TMEM63A: variants seen among roughly 807,000 people sequenced by gnomAD.
TMEM63A encodes mechanosensitive cation channel TMEM63A.
In TMEM63A, 76 loss-of-function variants were observed where a neutral mutation model predicts 100.6. The ratio of observed to expected loss-of-function variants is 0.76; its 90% CI spans 0.63 to 0.91. TMEM63A has a LOEUF of 0.91. TMEM63A is among the 40% of genes least tolerant of loss of function. The probability of loss-of-function intolerance (pLI) is 0.00; values close to 1 mark genes in which losing one functional copy is unlikely to be tolerated. For missense variants in TMEM63A, 876 were observed against 1,008.8 expected (o/e 0.87, Z 1.78); for synonymous variants, 401 against 401.1 (o/e 1.00, Z 0.00).
At chr1:225,845,491 A>G (rs1668899622), downstream of TMEM63A, 3 of 779,630 alleles carry the variant, frequency 3.8e-6, no homozygotes, top group Non-Finnish European at 6.2e-6. Flanking sequence ...TCACCCCTCC[A>G]AGCTCACTCC....
chr1:225,848,579 GA>G (rs1559032312), intron 22 of TMEM63A, 25 bp from the exon 23 acceptor site: 1 of 1,613,212 alleles, frequency 6.2e-7, no homozygotes, highest in South Asian at 1.1e-5. Context: ...AAAAACTTGC[GA>G]TGATAAACAA....
chr1:225,847,023 C>T lies in TMEM63A; in HGVS notation c.*6+11G>A. 1 of 1,600,872 alleles carries T rather than the reference C, an allele frequency of 6.2e-7. No individual in the cohort carries two copies. The highest frequency in any genetic ancestry group is 8.5e-7 in the Non-Finnish European group (1 of 1,173,252). ...CAGGCTCCCCTGAGCCTGGCCCAGC[C>T]AGCAGCTCACCCAGCCTCAGGCCTC... On this transcript the variant is annotated intron_variant, in intron 24 of 24. Transcript: ENST00000366835.
Position 225,845,617 on chromosome 1 carries a change from T to G in TMEM63A, c.*1322A>C. ...CGCTGACCCCACATGGGGCCCCCTG[T>G]GCAAGCAGAGCTGGCCGGCCCCTCC... On this transcript the variant is annotated 3_prime_UTR_variant, in exon 25 of 25. Coordinates refer to ENST00000366835, the MANE Select transcript of TMEM63A (RefSeq NM_014698.3). 1.9e-6 allele frequency: 1 copy of G among 526,818 alleles called. No homozygotes were observed. The highest frequency in any genetic ancestry group is 3.4e-6 in the Non-Finnish European group (1 of 291,260). The allele number at this position is 526,818 out of a possible 1,614,324, so 32.6% of individuals were successfully genotyped here. A position where few individuals can be genotyped will look rare whatever the true frequency, so the allele number is the denominator to read the frequency against.
intron 21 of TMEM63A, 67 bp from the exon 22 acceptor site, chr1:225,849,079 G>A (rs1234322360): frequency 8.0e-7 from 1 of 1,250,354 alleles, no homozygotes; most frequent in Non-Finnish European, 1.1e-6. Flanking sequence ...TCACCCTGCT[G>A]AGGAAGGGGC....
At chr1:225,857,068 G>A (rs777190228) in intron 15 of TMEM63A, 51 bp from the exon 16 acceptor site, 8 of 1,449,478 alleles carry the variant, frequency 5.5e-6, no homozygotes, top group African/African-American at 1.4e-5. Context: ...TGGGCCACGC[G>A]GCTCTGAGGC....
chr1:225,874,161 T>C, intron 4 of TMEM63A, 127 bp downstream of exon 4: 1 of 921,604 alleles, frequency 1.1e-6, no homozygotes. Context: ...CCCTAGCCCA[T>C]TCCAGGGACA....
chr1:225,850,416 G>A (rs1343010519), intron 20 of TMEM63A, among the ~76,000 whole-genome samples: 1 of 152,196 alleles, frequency 6.6e-6, no homozygotes, highest in African/African-American at 2.4e-5. Flanking sequence ...GCTGAAGGCA[G>A]CTGAATTCTC....
At chr1:225,849,850 G>A in intron 21 of TMEM63A, 62 bp downstream of exon 21, 1 of 1,577,424 alleles carries the variant, frequency 6.3e-7, no homozygotes, top group Admixed American at 1.7e-5. Flanking sequence ...GGATCTGACT[G>A]GCTGGTGGGG....
At position 225,859,267 on chromosome 1, in the gene TMEM63A, G is replaced by T; in HGVS notation, c.1306C>A (p.Leu436Met). The part of the protein sequence containing the change: ...NFTLFLGLFF[L>M]TTPSIILSTM... ...GACAGGATGATGGAGGGTGTGGTCA[G>T]GAAAAATAGCCCCAGGAAGAGGGTG... Residue 436 changes from leucine to methionine, a missense_variant, in exon 15 of 25, where the codon CTG becomes ATG. Physicochemically the swap from Leu to Met is conservative, Grantham distance 15 (BLOSUM62 2). This residue lies in a region of TMEM63A where 487 missense variants were observed against 581.9 expected (regional missense o/e 0.84). Coordinates refer to ENST00000366835, the MANE Select transcript of TMEM63A (RefSeq NM_014698.3). 1 of 1,614,120 alleles carries T rather than the reference G, an allele frequency of 6.2e-7. No individual in the cohort carries two copies. The highest frequency in any genetic ancestry group is 8.5e-7 in the Non-Finnish European group (1 of 1,180,030).
At chr1:225,854,120 C>A (rs191335738) in intron 18 of TMEM63A, among the ~76,000 whole-genome samples, 3 of 139,972 alleles carry the variant, frequency 2.1e-5, no homozygotes, top group East Asian at 2.0e-4. Context: ...GTTGGAGGAG[C>A]CTTTCTAACG....
chr1:225,872,638 T>A (rs968709163), intron 4 of TMEM63A, among the ~76,000 whole-genome samples: 3 of 151,352 alleles, frequency 2.0e-5, no homozygotes, highest in Admixed American at 6.6e-5. Flanking sequence ...AAACACCCCA[T>A]GCGCTATAAA....
At chr1:225,844,734 G>C, downstream of TMEM63A, 1 of 1,521,952 alleles carries the variant, frequency 6.6e-7, no homozygotes, top group Non-Finnish European at 8.8e-7. Flanking sequence ...AGCCTTGCCT[G>C]CAGGTGCCCC....
At chr1:225,878,667 C>T (rs184134962) in intron 2 of TMEM63A, among the ~76,000 whole-genome samples, 4 of 152,188 alleles carry the variant, frequency 2.6e-5, no homozygotes, top group African/African-American at 9.7e-5. Context: ...CTGCCCAAAT[C>T]TGGTAAATCT....
At chr1:225,842,362 C>T (rs1330889670), downstream of TMEM63A, 1 of 1,606,900 alleles carries the variant, frequency 6.2e-7, no homozygotes, top group Non-Finnish European at 8.5e-7. Context: ...CCGCTCCCCG[C>T]CAGGCTCTGC....
chr1:225,860,814 A>C (rs779100980), intron 14 of TMEM63A, 46 bp downstream of exon 14: 1 of 1,551,850 alleles, frequency 6.4e-7, no homozygotes, highest in Non-Finnish European at 8.7e-7. Context: ...AGCTCCCACC[A>C]GGAACCCAGG....
At chr1:225,874,169 AC>A in intron 4 of TMEM63A, 118 bp downstream of exon 4, 1 of 580,824 alleles carries the variant, frequency 1.7e-6, no homozygotes, top group Non-Finnish European at 2.6e-6. Context: ...CATTCCAGGG[AC>A]ACACACACAC....
At chr1:225,857,319 C>A (rs560498484) in intron 15 of TMEM63A, among the ~76,000 whole-genome samples, 7 of 145,580 alleles carry the variant, frequency 4.8e-5, no homozygotes, top group African/African-American at 1.8e-4. Context: ...GCTCCCTATA[C>A]AAAACCAATG....
rs767715844 is a variant in TMEM63A, at chr1:225,848,458, GCGA to G, written c.2250+31_2250+33del. On this transcript the variant is annotated intron_variant, in intron 23 of 24. Transcript: ENST00000366835. ...TGTTACAACCAAAGCAAAAAAAAGG[GCGA>G]CAAGCTCAGAGGCTGAGGGGCACAG... 140 of 1,610,908 alleles carry G rather than the reference GCGA, an allele frequency of 8.7e-5. No individual in the cohort carries two copies. In the African/African-American group the frequency reaches 1.6e-3, roughly 18 times the overall value.
chr1:225,857,701 C>T (rs1032070869), intron 15 of TMEM63A, among the ~76,000 whole-genome samples: 8 of 151,906 alleles, frequency 5.3e-5, no homozygotes, highest in Non-Finnish European at 1.0e-4. Flanking sequence ...CAGAATGGCT[C>T]GGCAAATATC....
Sources: gnomAD v4.1 joint callset for allele counts (sites outside exome capture counted in the v4.1 genomes callset) on GRCh38, gnomAD v4.1.1 for gene constraint, gnomAD v4.1.1 regional missense constraint, MANE v1.5 for transcripts, NCBI Gene and HGNC (gene_info 2026-07-23, HGNC 2026-07-21) for gene names.